LAMA2: variants seen among roughly 807,000 people sequenced by gnomAD.
LAMA2 encodes the protein laminin subunit alpha 2.
A neutral mutation model predicts 364.8 loss-of-function variants in LAMA2; 269 were observed. That is an observed-to-expected ratio of 0.74 (90% CI 0.67 to 0.82). The LOEUF (loss-of-function observed/expected upper bound fraction) is 0.82. Among genes scored for constraint, LAMA2 ranks in the 40% least tolerant of loss-of-function variants. LAMA2 has a pLI of 0.00. For missense variants in LAMA2, 3,807 were observed against 3,873.2 expected (o/e 0.98, Z 0.45); for synonymous variants, 1,379 against 1,370.6 (o/e 1.01, Z -0.14).
chr6:129,481,467 T>C (rs1190973202), intron 55 of LAMA2, 28 bp downstream of exon 55: 15 of 1,566,812 alleles, frequency 9.6e-6, no homozygotes, highest in Non-Finnish European at 1.3e-5. Context: ...TGATAATGCA[T>C]TTTCCCTAAT....
chr6:128,929,253 C>A, intron 1 of LAMA2: 2 of 1,429,546 alleles, frequency 1.4e-6, no homozygotes, highest in Non-Finnish European at 9.9e-7. Flanking sequence ...TGTAAGAGAC[C>A]GTCAATGGCT....
At chr6:129,484,191 C>G (rs140581571) in intron 55 of LAMA2, among the ~76,000 whole-genome samples, 59 of 152,284 alleles carry the variant, frequency 3.9e-4, no homozygotes, top group African/African-American at 1.4e-3. Flanking sequence ...GGAATACAGT[C>G]CTTGTCCCCA....
chr6:129,174,270 T>C (rs1421202197), intron 9 of LAMA2, among the ~76,000 whole-genome samples: 1 of 152,134 alleles, frequency 6.6e-6, no homozygotes, highest in Admixed American at 6.5e-5. Flanking sequence ...TATTTTGTTA[T>C]ATTTCATAAG....
At chr6:129,463,439 G>A (rs1783368200) in intron 49 of LAMA2, among the ~76,000 whole-genome samples, 1 of 151,858 alleles carries the variant, frequency 6.6e-6, no homozygotes, top group Admixed American at 6.6e-5. Flanking sequence ...TAAATGAACT[G>A]GGGGGATCTA....
At chr6:129,144,167 G>T in intron 5 of LAMA2, 87 bp downstream of exon 5, 1 of 1,015,374 alleles carries the variant, frequency 9.8e-7, no homozygotes, top group Non-Finnish European at 1.5e-6. Flanking sequence ...TGTTTTCAGT[G>T]ATTTGTAGGA....
intron 1 of LAMA2, among the ~76,000 whole-genome samples, chr6:129,018,041 A>G (rs1343594627): frequency 6.6e-6 from 1 of 151,334 alleles, no homozygotes; most frequent in Admixed American, 6.6e-5. Context: ...TTTCCTGTCT[A>G]CTTTGCATGG....
intron 41 of LAMA2, chr6:129,436,931 T>C (rs1183094307): frequency 6.6e-6 from 1 of 152,146 alleles, no homozygotes; most frequent in Non-Finnish European, 1.5e-5. Flanking sequence ...GACAATGCTA[T>C]TCTACTCTGA....
At chr6:129,431,229 T>G (rs924898278) in intron 41 of LAMA2, among the ~76,000 whole-genome samples, 1 of 151,994 alleles carries the variant, frequency 6.6e-6, no homozygotes, top group Non-Finnish European at 1.5e-5. Context: ...TGAAACCCTG[T>G]CTCTACTAAA....
chr6:128,945,296 T>C (rs568598082), intron 1 of LAMA2, among the ~76,000 whole-genome samples: 1 of 152,340 alleles, frequency 6.6e-6, no homozygotes, highest in Non-Finnish European at 1.5e-5. Context: ...AAAAAATTTG[T>C]CAGTAAGATG....
At chr6:129,392,396 C>G (rs1336814399) in intron 36 of LAMA2, among the ~76,000 whole-genome samples, 4 of 152,242 alleles carry the variant, frequency 2.6e-5, no homozygotes, top group African/African-American at 9.6e-5. Flanking sequence ...GAATCAGAAA[C>G]TTTGGGGATG....
chr6:129,072,137 A>T (rs1773357554), intron 3 of LAMA2, among the ~76,000 whole-genome samples: 1 of 152,148 alleles, frequency 6.6e-6, no homozygotes. Flanking sequence ...ACAGAGCTGG[A>T]CATCAGACCC....
At chr6:128,983,297 T>C (rs960322706) in intron 1 of LAMA2, among the ~76,000 whole-genome samples, 1 of 152,064 alleles carries the variant, frequency 6.6e-6, no homozygotes, top group Non-Finnish European at 1.5e-5. Flanking sequence ...TTTTTAATGA[T>C]TGCCATTCTA....
chr6:129,329,366 GT>G (rs1297630069), intron 29 of LAMA2, among the ~76,000 whole-genome samples: 11 of 148,718 alleles, frequency 7.4e-5, no homozygotes, highest in South Asian at 2.1e-4. Flanking sequence ...TCACCTTTTT[GT>G]TTTTTTTTTC....
chr6:128,929,011 G>A (rs1779271980), intron 1 of LAMA2: 1 of 1,371,824 alleles, frequency 7.3e-7, no homozygotes, highest in African/African-American at 1.4e-5. Context: ...GTTAGATGAA[G>A]CCCATATATG....
chr6:129,373,108 T>C (rs1447443812), intron 34 of LAMA2, among the ~76,000 whole-genome samples: 1 of 152,178 alleles, frequency 6.6e-6, no homozygotes, highest in Non-Finnish European at 1.5e-5. Context: ...TTGAGAAGTG[T>C]CTTTCACAGA....
chr6:129,206,151 AGGAAGGAAG>A (rs1409106049), intron 12 of LAMA2, among the ~76,000 whole-genome samples: 1 of 131,810 alleles, frequency 7.6e-6, no homozygotes, highest in Non-Finnish European at 1.6e-5. Flanking sequence ...GAAGGAAGGA[AGGAAGGAAG>A]GAAGGAAATT....
chr6:129,249,998 C>T lies in LAMA2; in HGVS notation c.1783-114C>T, dbSNP rs74596225. On this transcript the variant is annotated intron_variant, in intron 12 of 64. Transcript: ENST00000421865. ...CCACTCCGTACTCCAGTGATTTCTG[C>T]GTCTTGCAAATACTGCCCTATAGAA... 1,815 of 734,678 alleles carry T rather than the reference C, an allele frequency of 2.5e-3. 26 individuals carry two copies. The African/African-American group carries it at 0.028, about 11-fold the overall frequency. 45.5% of individuals were successfully genotyped at this position (734,678 alleles called of 1,614,324 possible). A position where few individuals can be genotyped will look rare whatever the true frequency, so the allele number is the denominator to read the frequency against.
chr6:129,250,510 C>A (rs1786099846), intron 13 of LAMA2, among the ~76,000 whole-genome samples: 1 of 152,116 alleles, frequency 6.6e-6, no homozygotes, highest in Non-Finnish European at 1.5e-5. Flanking sequence ...TAGGTACATG[C>A]TAATTTACAT....
chr6:128,903,241 G>A (rs1489921437), intron 1 of LAMA2, among the ~76,000 whole-genome samples: 2 of 151,980 alleles, frequency 1.3e-5, no homozygotes, highest in African/African-American at 2.4e-5. Flanking sequence ...TTTCATTGAC[G>A]TAATTTTAAA....
Sources: gnomAD v4.1 joint callset for allele counts (sites outside exome capture counted in the v4.1 genomes callset) on GRCh38, gnomAD v4.1.1 for gene constraint, MANE v1.5 for transcripts, NCBI Gene and HGNC (gene_info 2026-07-23, HGNC 2026-07-21) for gene names.